Variants in PDS5B observed in about 807,000 individuals in gnomAD.
The protein encoded by PDS5B is PDS5 cohesin associated factor B.
A neutral mutation model predicts 184.1 loss-of-function variants in PDS5B; 51 were observed. The observed-to-expected ratio is 0.28, with a 90% CI of 0.22 to 0.35. The LOEUF (loss-of-function observed/expected upper bound fraction) is 0.35, where lower values mean the gene tolerates loss of function less well. Ranked by LOEUF, PDS5B falls within the 10% of genes least tolerant of loss-of-function variation. PDS5B has a pLI of 1.00. For missense variants in PDS5B, 1,180 were observed against 1,723.3 expected, an observed-to-expected ratio of 0.68 and a Z score of 5.58; for synonymous variants, 566 against 569.2, an observed-to-expected ratio of 0.99 and a Z score of 0.08.
At chr13:32,750,666 C>T (rs1313807882) in intron 24 of PDS5B, among the ~76,000 whole-genome samples, 2 of 151,976 alleles carry the variant, frequency 1.3e-5, no homozygotes, top group Non-Finnish European at 2.9e-5. Context: ...CTCAGCCTCC[C>T]AAGTAGCTGG....
At chr13:32,754,575 C>T (rs1338017175) in intron 25 of PDS5B, among the ~76,000 whole-genome samples, 2 of 130,490 alleles carry the variant, frequency 1.5e-5, no homozygotes, top group African/African-American at 5.3e-5. Context: ...ATCACTGTGA[C>T]CCTCTTTCTT....
At chr13:32,673,538 T>C (rs1163289173) in intron 8 of PDS5B, among the ~76,000 whole-genome samples, 182 bp downstream of exon 8, 3 of 152,218 alleles carry the variant, frequency 2.0e-5, no homozygotes, top group Admixed American at 6.5e-5. Flanking sequence ...GGCAGGTGCC[T>C]AGCAGATAGT....
intron 24 of PDS5B, among the ~76,000 whole-genome samples, chr13:32,748,146 A>G (rs1953828361): frequency 6.6e-6 from 1 of 152,180 alleles, no homozygotes; most frequent in African/African-American, 2.4e-5. Flanking sequence ...AAATTACCCT[A>G]TTTTAAGCAA....
chr13:32,593,826 G>A (rs777647205), intron 1 of PDS5B, among the ~76,000 whole-genome samples: 2 of 152,106 alleles, frequency 1.3e-5, no homozygotes, highest in South Asian at 2.1e-4. Flanking sequence ...TTGTTGTCTC[G>A]AGGGTGGCAA....
chr13:32,680,581 G>C (rs1251897032), intron 10 of PDS5B, among the ~76,000 whole-genome samples: 1 of 152,174 alleles, frequency 6.6e-6, no homozygotes, highest in African/African-American at 2.4e-5. Flanking sequence ...GGGTCCCCCA[G>C]TTTAGAGCTA....
Position 32,659,178 on chromosome 13 carries a change from T to C in PDS5B, c.522T>C (p.His174=). ...GCAATGGCCACAATCAGAAAGTCCA[T>C]ATGCACATGGTAGACCTTATGAGCT... ...VINNGHNQKV[H]MHMVDLMSSI... Residue 174 remains histidine (H), a synonymous_variant, in exon 6 of 35, where the codon CAT becomes CAC. Coordinates refer to ENST00000315596, the MANE Select transcript of PDS5B (RefSeq NM_015032.4). The C allele has an allele frequency of 1.3e-6, 2 of 1,582,842 alleles. No homozygotes were observed. The highest frequency in any genetic ancestry group is 1.7e-6 in the Non-Finnish European group (2 of 1,159,780).
At chr13:32,636,863 C>T (rs1028533824) in intron 1 of PDS5B, among the ~76,000 whole-genome samples, 1 of 152,110 alleles carries the variant, frequency 6.6e-6, no homozygotes, top group Non-Finnish European at 1.5e-5. Flanking sequence ...TTTATTTAGA[C>T]TGAGTAGATT....
chr13:32,726,577 TTGCC>T (rs1327623962), intron 19 of PDS5B, among the ~76,000 whole-genome samples: 2 of 152,302 alleles, frequency 1.3e-5, no homozygotes, highest in African/African-American at 4.8e-5. Context: ...CCCCACAGCC[TTGCC>T]AGTAGACGAT....
chr13:32,721,760 G>T (rs1246196959), intron 19 of PDS5B, among the ~76,000 whole-genome samples: 2 of 151,772 alleles, frequency 1.3e-5, no homozygotes, highest in East Asian at 1.9e-4. Flanking sequence ...TCCCAGACTG[G>T]GTGGCCTGGC....
At chr13:32,666,394 AT>A (rs1950796747) in intron 6 of PDS5B, among the ~76,000 whole-genome samples, 1 of 152,168 alleles carries the variant, frequency 6.6e-6, no homozygotes, top group African/African-American at 2.4e-5. Flanking sequence ...CTAGTATTTG[AT>A]AGTACAGTAG....
Position 32,651,810 on chromosome 13 carries a change from G to A in PDS5B, c.115G>A (p.Val39Met). 1 of 1,594,726 alleles carries A rather than the reference G, an allele frequency of 6.3e-7. No individual in the cohort carries two copies. The highest frequency in any genetic ancestry group is 8.6e-7 in the Non-Finnish European group (1 of 1,164,042). Residue 39 changes from valine (V) to methionine (M), a missense_variant, in exon 3 of 35, where the codon GTG becomes ATG. By Grantham distance (21) the Val-to-Met change is conservative. Around this residue, in one of 11 missense-constraint regions of PDS5B, gnomAD observed 22 missense variants for 79.3 expected, o/e 0.28. Transcript: ENST00000315596. ...ATTTTTTATTTTTGTATAGATGGTT[G>A]TGAAAACTTTTATGGATATGGACCA... is the stretch of plus-strand genomic sequence containing the variant. ...EEMVRRLKMV[V>M]KTFMDMDQDS...
intron 19 of PDS5B, among the ~76,000 whole-genome samples, chr13:32,716,858 C>G (rs1159086820): frequency 2.3e-5 from 3 of 128,826 alleles, no homozygotes; most frequent in Admixed American, 7.3e-5. Context: ...GTCAGCCCCC[C>G]GCCCGGCCAG....
chr13:32,757,930 T>G (rs1361356915), intron 26 of PDS5B, among the ~76,000 whole-genome samples, 157 bp from the exon 27 acceptor site: 1 of 152,102 alleles, frequency 6.6e-6, no homozygotes, highest in African/African-American at 2.4e-5. Context: ...TATGACATAT[T>G]CTTTTTCCCT....
chr13:32,665,568 G>C (rs1323583393), intron 6 of PDS5B, among the ~76,000 whole-genome samples: 1 of 108,514 alleles, frequency 9.2e-6, no homozygotes, highest in South Asian at 3.2e-4. Flanking sequence ...CATCCTGGGC[G>C]ACAGAGCGAG....
At chr13:32,655,151 T>G (rs548730293) in intron 3 of PDS5B, among the ~76,000 whole-genome samples, 1 of 151,662 alleles carries the variant, frequency 6.6e-6, no homozygotes, top group African/African-American at 2.4e-5. Flanking sequence ...ACCAGTGATG[T>G]ATCAGCACTT....
At chr13:32,597,030 G>A (rs1389483644) in intron 1 of PDS5B, among the ~76,000 whole-genome samples, 1 of 151,756 alleles carries the variant, frequency 6.6e-6, no homozygotes, top group African/African-American at 2.4e-5. Context: ...ATTGTGCTTT[G>A]AGTTCTTTTT....
At chr13:32,760,209 C>G (rs1243255067) in intron 29 of PDS5B, among the ~76,000 whole-genome samples, 2 of 152,202 alleles carry the variant, frequency 1.3e-5, no homozygotes, top group Non-Finnish European at 2.9e-5. Context: ...CCCGCCTTGG[C>G]CTCCCAAAGT....
intron 18 of PDS5B, among the ~76,000 whole-genome samples, 196 bp downstream of exon 18, chr13:32,707,235 T>C (rs963062322): frequency 6.6e-6 from 1 of 152,208 alleles, no homozygotes; most frequent in Non-Finnish European, 1.5e-5. Context: ...AATGCTGTAA[T>C]CTAGCCTAGT....
chr13:32,594,980 G>T (rs1001996059), intron 1 of PDS5B, among the ~76,000 whole-genome samples: 3 of 151,966 alleles, frequency 2.0e-5, no homozygotes, highest in Non-Finnish European at 4.4e-5. Flanking sequence ...CCTCATATAC[G>T]TGTCTTCTTC....
Sources: gnomAD v4.1 joint callset for allele counts (sites outside exome capture counted in the v4.1 genomes callset) on GRCh38, gnomAD v4.1.1 for gene constraint, gnomAD v4.1.1 regional missense constraint, MANE v1.5 for transcripts, NCBI Gene and HGNC (gene_info 2026-07-23, HGNC 2026-07-21) for gene names.